The following SIPA1L2 variants were observed in gnomAD, a reference collection of about 807,000 sequenced individuals.
SIPA1L2 encodes the protein signal-induced proliferation-associated 1-like protein 2.
In SIPA1L2, 56 loss-of-function variants were observed where a neutral mutation model predicts 163.9. That is an observed-to-expected ratio of 0.34 (90% confidence interval 0.28 to 0.43). The LOEUF is 0.43. SIPA1L2 is among the 20% of genes least tolerant of loss of function. The probability of loss-of-function intolerance (pLI) is 1.00; values close to 1 mark genes in which losing one functional copy is unlikely to be tolerated. For synonymous variants in SIPA1L2, 877 were observed against 865.7 expected, an observed-to-expected ratio of 1.01 and a Z score of -0.23; for missense variants, 1,974 against 2,193.5, an observed-to-expected ratio of 0.90 and a Z score of 2.00.
Position 232,439,195 on chromosome 1 carries a change from G to T in SIPA1L2, c.3944C>A (p.Ser1315Tyr). The T allele has an allele frequency of 6.2e-7, 1 of 1,613,782 alleles. No homozygotes were observed. The highest frequency in any genetic ancestry group is 8.5e-7 in the Non-Finnish European group (1 of 1,180,030). Reference sequence around the variant, plus strand: ...GATGGTGGACGCGTAGCCATGCACAGAATATAACTTGGCTGGCTCGTCGTC... The same window carrying T: ...GATGGTGGACGCGTAGCCATGCACATAATATAACTTGGCTGGCTCGTCGTC... The part of the protein sequence containing the change: ...GPDDEPAKLY[S>Y]VHGYASTISA... The change falls in exon 15 of 23, where the codon TCT becomes TAT. Residue 1315 changes from serine to tyrosine, a missense_variant. This residue lies in a region of SIPA1L2 where 1,079 missense variants were observed against 1,150.7 expected (regional missense o/e 0.94). Transcript: ENST00000674635.
At chr1:232,474,840 C>T (rs2102954783) in intron 7 of SIPA1L2, among the ~76,000 whole-genome samples, 1 of 152,162 alleles carries the variant, frequency 6.6e-6, no homozygotes, top group East Asian at 1.9e-4. Flanking sequence ...TCAGACAGCA[C>T]ACTTGGGTGA....
At chr1:232,432,943 T>C (rs561111178) in intron 15 of SIPA1L2, among the ~76,000 whole-genome samples, 2 of 152,238 alleles carry the variant, frequency 1.3e-5, no homozygotes, top group African/African-American at 4.8e-5. Context: ...GGGCAATAGG[T>C]ACCTTCCTAC....
Position 232,441,406 on chromosome 1 carries a change from A to G in SIPA1L2, c.3539-12T>C, listed in dbSNP as rs1447244015. On this transcript the variant is annotated splice_polypyrimidine_tract_variant and intron_variant, in intron 13 of 22. Transcript: ENST00000674635. ...ATGCCATTTGGTTTCTGTCACATAA[A>G]AAGAGAGGAGTTGAATTTCCAATTT... is the stretch of plus-strand genomic sequence containing the variant. 1.3e-6 allele frequency: 2 copies of G among 1,593,400 alleles called. No individual in the cohort carries two copies. Among genetic ancestry groups the G allele is most frequent in the Admixed American group, 3.6e-5 (2 of 54,894 alleles).
chr1:232,569,896 A>T (rs1241903653), intron 2 of SIPA1L2, among the ~76,000 whole-genome samples: 1 of 152,188 alleles, frequency 6.6e-6, no homozygotes, highest in African/African-American at 2.4e-5. Context: ...TACGAAACTG[A>T]CCATAAAATA....
At chr1:232,404,085 A>T in intron 20 of SIPA1L2, 40 bp downstream of exon 20, 1 of 1,610,084 alleles carries the variant, frequency 6.2e-7, no homozygotes, top group Non-Finnish European at 8.5e-7. Context: ...AGAAAAGGTT[A>T]CAGGATATCA....
intron 1 of SIPA1L2, among the ~76,000 whole-genome samples, chr1:232,624,887 C>A (rs1294510490): frequency 6.6e-6 from 1 of 152,150 alleles, no homozygotes; most frequent in African/African-American, 2.4e-5. Context: ...GAATACCAAA[C>A]CAAAAAATAA....
chr1:232,580,567 G>A (rs1171518744), intron 1 of SIPA1L2, among the ~76,000 whole-genome samples: 1 of 152,202 alleles, frequency 6.6e-6, no homozygotes, highest in Middle Eastern at 3.2e-3. Context: ...ATGATGACAG[G>A]ACAGGTTATG....
rs192258913 is a variant in SIPA1L2 at position 232,605,465 on chromosome 1, C to T, written c.-319+24404G>A. On this transcript the variant is annotated intron_variant, in intron 1 of 22. Coordinates refer to ENST00000674635, the MANE Select transcript of SIPA1L2 (RefSeq NM_020808.5). ...ATTCCAGAACTTTGGGAGGCCGAAACGGATGGATCACCTGCGGTCAGGAAT... is the reference window on the plus strand; with the variant it reads ...ATTCCAGAACTTTGGGAGGCCGAAATGGATGGATCACCTGCGGTCAGGAAT... 2.1e-3 allele frequency among the ~76,000 whole-genome samples: 319 copies of T among 152,288 alleles called. 2 individuals are homozygous for T. Among genetic ancestry groups the T allele is most frequent in the African/African-American group, 4.4e-3 (183 of 41,562 alleles).
intron 1 of SIPA1L2, among the ~76,000 whole-genome samples, chr1:232,620,083 C>G (rs952673367): frequency 5.3e-5 from 8 of 152,184 alleles, no homozygotes; most frequent in Admixed American, 3.9e-4. Context: ...CGGGGTTTCA[C>G]CATGTTGGTC....
At chr1:232,414,886 C>T (rs778085125) in intron 19 of SIPA1L2, among the ~76,000 whole-genome samples, 52 of 152,258 alleles carry the variant, frequency 3.4e-4, no homozygotes, top group South Asian at 6.2e-4. Context: ...CAAAGGTGTT[C>T]CTGAAGGGGT....
At chr1:232,590,546 C>A (rs1374340671) in intron 1 of SIPA1L2, among the ~76,000 whole-genome samples, 2 of 152,164 alleles carry the variant, frequency 1.3e-5, no homozygotes, top group African/African-American at 4.8e-5. Flanking sequence ...ACACAGTGGA[C>A]CTGATGTCAC....
At chr1:232,425,104 G>C (rs1661809430) in intron 18 of SIPA1L2, among the ~76,000 whole-genome samples, 1 of 152,116 alleles carries the variant, frequency 6.6e-6, no homozygotes, top group Admixed American at 6.5e-5. Flanking sequence ...GCCGCCCACG[G>C]GTAAAGCCCA....
intron 2 of SIPA1L2, among the ~76,000 whole-genome samples, chr1:232,534,909 A>G (rs1657209891): frequency 6.6e-6 from 1 of 152,248 alleles, no homozygotes; most frequent in Admixed American, 6.5e-5. Flanking sequence ...ATGAAAATAA[A>G]TTATTTGCAT....
chr1:232,411,029 G>C (rs1182913192), intron 19 of SIPA1L2, among the ~76,000 whole-genome samples: 3 of 152,156 alleles, frequency 2.0e-5, no homozygotes, highest in Admixed American at 1.3e-4. Context: ...GGTAAATAAA[G>C]AGCCCCACAA....
At chr1:232,430,685 C>A (rs571154576) in intron 16 of SIPA1L2, among the ~76,000 whole-genome samples, 5 of 152,242 alleles carry the variant, frequency 3.3e-5, no homozygotes. Context: ...CAGGATGAGC[C>A]GGCACACTGA....
intron 4 of SIPA1L2, among the ~76,000 whole-genome samples, chr1:232,493,197 T>C (rs1572979946): frequency 6.6e-6 from 1 of 152,150 alleles, no homozygotes; most frequent in Admixed American, 6.5e-5. Flanking sequence ...GTCATGATTG[T>C]AAGTTTCTTG....
chr1:232,426,344 T>C (rs1241095175), intron 17 of SIPA1L2, among the ~76,000 whole-genome samples: 1 of 152,170 alleles, frequency 6.6e-6, no homozygotes, highest in Non-Finnish European at 1.5e-5. Flanking sequence ...AGCAGTCCAA[T>C]AAAGTCTTAC....
chr1:232,467,612 C>T (rs979909983), intron 8 of SIPA1L2, among the ~76,000 whole-genome samples: 10 of 152,164 alleles, frequency 6.6e-5, no homozygotes, highest in African/African-American at 2.4e-4. Context: ...TGCAACCTGC[C>T]CTGCAAATAT....
intron 1 of SIPA1L2, among the ~76,000 whole-genome samples, chr1:232,627,733 T>A (rs1286174929): frequency 6.6e-6 from 1 of 152,180 alleles, no homozygotes; most frequent in East Asian, 1.9e-4. Context: ...CTGGGTAAAA[T>A]CTGTGGCCCA....
Sources: allele counts gnomAD v4.1 joint callset (sites outside exome capture counted in the v4.1 genomes callset), GRCh38; gene constraint gnomAD v4.1.1; regional missense constraint gnomAD v4.1.1; transcripts MANE v1.5; gene names NCBI Gene and HGNC (gene_info 2026-07-23, HGNC 2026-07-21).